The following SEMA4B variants were observed in gnomAD, a reference collection of about 807,000 sequenced individuals.
The protein encoded by SEMA4B is semaphorin-4B.
A neutral mutation model predicts 88.1 loss-of-function variants in SEMA4B; 55 were observed. The ratio of observed to expected loss-of-function variants is 0.62; its 90% confidence interval spans 0.50 to 0.78. The LOEUF is 0.78. SEMA4B is among the 30% of genes least tolerant of loss of function. The probability of loss-of-function intolerance (pLI) is 0.00; values close to 1 mark genes in which losing one functional copy is unlikely to be tolerated. For missense variants in SEMA4B, 1,062 were observed against 1,111.9 expected (o/e 0.96, Z 0.64); for synonymous variants, 525 against 473.6 (o/e 1.11, Z -1.41).
rs79462885 is a variant in SEMA4B, at chr15:90,203,963, G to A, written c.157+2228G>A. 5.1e-3 allele frequency among the ~76,000 whole-genome samples: 780 copies of A among 151,888 alleles called. 4 individuals carry two copies. Among genetic ancestry groups the A allele is most frequent in the African/African-American group, 0.017 (718 of 41,450 alleles). ...TATACCCTGGAGTGCCCCCTCTCTG[G>A]GCTTCCTCCTGGCCCTCATACCCAC... On this transcript the variant is annotated intron_variant, in intron 1 of 13. Coordinates refer to ENST00000411539, the MANE Select transcript of SEMA4B (RefSeq NM_198925.4).
intron 1 of SEMA4B, among the ~76,000 whole-genome samples, chr15:90,204,142 A>G (rs375154165): frequency 6.6e-6 from 1 of 152,152 alleles, no homozygotes; most frequent in African/African-American, 2.4e-5. Flanking sequence ...CAGTGTGCCC[A>G]TCCTGGGCAG....
At chr15:90,225,519 T>C (rs1962117246) in intron 11 of SEMA4B, 122 bp downstream of exon 11, 3 of 1,285,680 alleles carry the variant, frequency 2.3e-6, no homozygotes, top group Non-Finnish European at 3.3e-6. Flanking sequence ...AAGGATCCAG[T>C]CATGAACTAT....
chr15:90,223,778 AG>A, intron 8 of SEMA4B, 38 bp downstream of exon 8: 1 of 1,605,610 alleles, frequency 6.2e-7, no homozygotes, highest in Non-Finnish European at 8.5e-7. Flanking sequence ...GGAAGGGTGA[AG>A]GGTGGCTGGG....
Position 90,228,578 on chromosome 15 carries a change from G to A in SEMA4B, c.2449G>A (p.Val817Ile). 1 of 1,613,662 alleles carries A rather than the reference G, an allele frequency of 6.2e-7. No homozygotes were observed. Among genetic ancestry groups the A allele is most frequent in the Non-Finnish European group, 8.5e-7 (1 of 1,179,868 alleles). ...CAGCATCCAAGACAGCTTCGTGGAG[G>A]TATCCCCAGTGTGCCCCCGGCCCCG... Reference protein sequence around the residue: ...PLSIQDSFVEVSPVCPRPRVR... With the variant: ...PLSIQDSFVEISPVCPRPRVR... The change falls in exon 14 of 14, where the codon GTA becomes ATA. Residue 817 changes from valine (V) to isoleucine (I), a missense_variant. Physicochemically the swap from Val to Ile is conservative, Grantham distance 29. Transcript: ENST00000411539.
chr15:90,188,813 A>G (rs529376763), intron 1 of SEMA4B, among the ~76,000 whole-genome samples: 57 of 151,660 alleles, frequency 3.8e-4, no homozygotes, highest in South Asian at 6.3e-4. Flanking sequence ...GACTACAGGC[A>G]CCCACCACCA....
chr15:90,229,479 C>G lies in SEMA4B; in HGVS notation c.*836C>G. 1 of 442,294 alleles carries G rather than the reference C, an allele frequency of 2.3e-6. No homozygotes were observed. The highest frequency in any genetic ancestry group is 1.6e-5 in the South Asian group (1 of 61,634). 27.4% of individuals were successfully genotyped at this position (442,294 alleles called of 1,614,324 possible). A position where few individuals can be genotyped will look rare whatever the true frequency, so the allele number is the denominator to read the frequency against. ...CATCTTTGAACTCAAACACGAGGAA[C>G]TAACTGCACCCTGGTCCTCTCCCCA... On this transcript the variant is annotated 3_prime_UTR_variant, in exon 14 of 14. Coordinates refer to ENST00000411539, the MANE Select transcript of SEMA4B (RefSeq NM_198925.4).
At chr15:90,213,438 G>A (rs1331776683) in intron 1 of SEMA4B, among the ~76,000 whole-genome samples, 1 of 152,220 alleles carries the variant, frequency 6.6e-6, no homozygotes, top group East Asian at 1.9e-4. Context: ...CTGTCCCTTT[G>A]TCGTTTCATT....
intron 2 of SEMA4B, 35 bp from the exon 3 acceptor site, chr15:90,217,732 T>C: frequency 6.2e-7 from 1 of 1,610,074 alleles, no homozygotes; most frequent in Non-Finnish European, 8.5e-7. Flanking sequence ...AAACCCTCCA[T>C]TTTGTCCACT....
upstream of SEMA4B, among the ~76,000 whole-genome samples, chr15:90,197,680 G>C (rs556202908): frequency 2.0e-5 from 3 of 151,588 alleles, no homozygotes; most frequent in African/African-American, 7.3e-5. Flanking sequence ...CTCATGATCC[G>C]CGCACCTCGG....
chr15:90,226,572 C>T (rs1206943799), intron 12 of SEMA4B, among the ~76,000 whole-genome samples: 1 of 152,138 alleles, frequency 6.6e-6, no homozygotes, highest in Non-Finnish European at 1.5e-5. Flanking sequence ...AACTTCTGAC[C>T]TCAGATGATC....
rs1962072192 is a variant in SEMA4B at position 90,225,047 on chromosome 15, A to G, written c.1274A>G (p.Asp425Gly). 6.2e-7 allele frequency: 1 copy of G among 1,613,812 alleles called. No homozygotes were observed. Among genetic ancestry groups the G allele is most frequent in the Non-Finnish European group, 8.5e-7 (1 of 1,179,818 alleles). Residue 425 changes from aspartate to glycine, a missense_variant, in exon 10 of 14, where the codon GAC (aspartate) becomes GGC (glycine). Asp to Gly is a moderately conservative substitution (Grantham distance 94). Transcript: ENST00000411539. Reference sequence around the variant, plus strand: ...GACCGCGTGCTGAACTTCCTCAAGGACCACTTCCTGATGGACGGGCAGGTC... The same window carrying G: ...GACCGCGTGCTGAACTTCCTCAAGGGCCACTTCCTGATGGACGGGCAGGTC... Reference protein sequence around the residue: ...LPDRVLNFLKDHFLMDGQVRS... With the variant: ...LPDRVLNFLKGHFLMDGQVRS...
At chr15:90,192,523 G>C (rs1204340883) in intron 1 of SEMA4B, among the ~76,000 whole-genome samples, 1 of 152,058 alleles carries the variant, frequency 6.6e-6, no homozygotes, top group Non-Finnish European at 1.5e-5. Context: ...GAAGCAGCAG[G>C]GATGTGTGTT....
intron 1 of SEMA4B, among the ~76,000 whole-genome samples, chr15:90,207,504 A>G (rs191520832): frequency 1.3e-5 from 2 of 152,352 alleles, no homozygotes; most frequent in African/African-American, 4.8e-5. Flanking sequence ...TTGGATGTGG[A>G]AGTGCATTGC....
At chr15:90,211,645 G>A (rs1448814762) in intron 1 of SEMA4B, among the ~76,000 whole-genome samples, 1 of 152,212 alleles carries the variant, frequency 6.6e-6, no homozygotes, top group Admixed American at 6.5e-5. Context: ...CTGCCCTGGA[G>A]GTGGGGCTGC....
chr15:90,194,287 T>C (rs1404016204), intron 1 of SEMA4B, among the ~76,000 whole-genome samples: 3 of 151,526 alleles, frequency 2.0e-5, no homozygotes, highest in Non-Finnish European at 2.9e-5. Context: ...ATCCCAGTAC[T>C]TTGGGAGGCC....
chr15:90,225,713 A>G lies in SEMA4B; in HGVS notation c.1574A>G (p.Asn525Ser). 2 of 1,568,804 alleles carry G rather than the reference A, an allele frequency of 1.3e-6. No homozygotes were observed. The highest frequency in any genetic ancestry group is 1.4e-5 in the African/African-American group (1 of 73,594). Residue 525 changes from asparagine to serine, a missense_variant, in exon 12 of 14, where the codon AAC becomes AGC. Coordinates refer to ENST00000411539, the MANE Select transcript of SEMA4B (RefSeq NM_198925.4). Reference protein sequence around the residue: ...HSGVVQVPMANCSLYRSCGDC... With the variant: ...HSGVVQVPMASCSLYRSCGDC... ...GGCGTAGTCCAGGTGCCCATGGCCA[A>G]CTGCAGCCTGTACAGGAGCTGTGGG... is the stretch of plus-strand genomic sequence containing the variant.
At chr15:90,222,971 T>TA (rs3029968) in intron 7 of SEMA4B, among the ~76,000 whole-genome samples, 3 of 123,634 alleles carry the variant, frequency 2.4e-5, no homozygotes, top group African/African-American at 3.6e-5. Flanking sequence ...TATATATACA[T>TA]TTTTTTTTTT....
intron 1 of SEMA4B, among the ~76,000 whole-genome samples, chr15:90,185,479 T>G (rs1300793613): frequency 6.6e-6 from 1 of 152,230 alleles, no homozygotes; most frequent in East Asian, 1.9e-4. Flanking sequence ...TTCTTTCTTC[T>G]CACTGAGCAC....
chr15:90,217,949 G>C (rs749998400), intron 3 of SEMA4B, 120 bp downstream of exon 3: 59 of 799,566 alleles, frequency 7.4e-5, no homozygotes, highest in Admixed American at 1.7e-4. Flanking sequence ...AAGGGCATAA[G>C]CTTCTGAGAT....
Sources: gnomAD v4.1 joint callset for allele counts (sites outside exome capture counted in the v4.1 genomes callset) on GRCh38, gnomAD v4.1.1 for gene constraint, MANE v1.5 for transcripts, NCBI Gene and HGNC (gene_info 2026-07-23, HGNC 2026-07-21) for gene names.